MYL2: variants seen among roughly 807,000 people sequenced by gnomAD.
MYL2 encodes myosin regulatory light chain 2, ventricular/cardiac muscle isoform.
In MYL2, 19 loss-of-function variants were observed where a neutral mutation model predicts 23.0. That is an observed-to-expected ratio of 0.83 (90% CI 0.58 to 1.21). The LOEUF is 1.21. Among genes scored for constraint, MYL2 ranks in the 50% most tolerant of loss-of-function variants. The pLI, the probability that MYL2 is intolerant of heterozygous loss-of-function variation, is 0.00. For synonymous variants in MYL2, 78 were observed against 76.2 expected, an observed-to-expected ratio of 1.02 and a Z score of -0.13; for missense variants, 180 against 215.1, an observed-to-expected ratio of 0.84 and a Z score of 1.02.
In MYL2 at chr12:110,911,146, A is replaced by AG; in HGVS notation, c.431dup (p.Asp145Ter). 1 of 1,545,046 alleles carries AG rather than the reference A, an allele frequency of 6.5e-7. No individual in the cohort carries two copies. On this transcript the variant is annotated frameshift_variant, in exon 7 of 7. Coordinates refer to ENST00000228841, the MANE Select transcript of MYL2 (RefSeq NM_000432.4). LOFTEE classifies it high-confidence loss of function. ...TGTAGTCCAAGTTGCCAGTCACGTCAGGGGGGAAGGCGGCGAACATCTGGT... is the reference window on the plus strand; with the variant it reads ...TGTAGTCCAAGTTGCCAGTCACGTCAGGGGGGGAAGGCGGCGAACATCTGGT...
At chr12:110,913,019 A>G (rs2071663636) in intron 6 of MYL2, 77 bp downstream of exon 6, 1 of 1,512,034 alleles carries the variant, frequency 6.6e-7, no homozygotes. Context: ...GGTGCTTTAG[A>G]CGAGAGGGGA....
intron 3 of MYL2, among the ~76,000 whole-genome samples, chr12:110,914,952 G>A (rs1251371788): frequency 6.6e-6 from 1 of 152,204 alleles, no homozygotes; most frequent in African/African-American, 2.4e-5. Flanking sequence ...GACAGATCAG[G>A]ATCACCTGAG....
chr12:110,912,712 C>T (rs1264293543), intron 6 of MYL2, among the ~76,000 whole-genome samples: 1 of 152,160 alleles, frequency 6.6e-6, no homozygotes, highest in African/African-American at 2.4e-5. Flanking sequence ...ATACAGGCGT[C>T]CACCACCATG....
chr12:110,910,989 T>G lies in MYL2; in HGVS notation c.*88A>C. 3 of 1,200,130 alleles carry G rather than the reference T, an allele frequency of 2.5e-6. No homozygotes were observed. The highest frequency in any genetic ancestry group is 3.7e-6 in the Non-Finnish European group (3 of 805,858). 74.3% of individuals were successfully genotyped at this position (1,200,130 alleles called of 1,614,324 possible). On this transcript the variant is annotated 3_prime_UTR_variant, in exon 7 of 7. Coordinates refer to ENST00000228841, the MANE Select transcript of MYL2 (RefSeq NM_000432.4). ...GCAGCCACATGGCTAACAGACAAGGTAGGGACAGAGGCGGTACTCGGGGGA... is the reference window on the plus strand; with the variant it reads ...GCAGCCACATGGCTAACAGACAAGGGAGGGACAGAGGCGGTACTCGGGGGA...
In MYL2 at chr12:110,919,161, G is replaced by A. The variant is rs139794370; in HGVS notation, c.36C>T (p.Gly12=). 1.4e-4 allele frequency: 220 copies of A among 1,613,678 alleles called. 1 individual carries two copies. In the African/African-American group the frequency reaches 2.3e-3, roughly 17 times the overall value. Residue 12 remains glycine (G), a synonymous_variant, in exon 2 of 7, where the codon GGC becomes GGT. Coordinates refer to ENST00000228841, the MANE Select transcript of MYL2 (RefSeq NM_000432.4). The stretch of plus-strand genomic sequence containing the variant: ...ACATGGAGAACACGTTGGAGTTGGC[G>A]CCCCCGGCTCTCTTCTTTGCTTTCT... The part of the protein sequence containing the change: ...APKKAKKRAG[G]ANSNVFSMFE...
At chr12:110,915,109 ACACT>A (rs1222990306) in intron 3 of MYL2, among the ~76,000 whole-genome samples, 1 of 152,198 alleles carries the variant, frequency 6.6e-6, no homozygotes, top group Non-Finnish European at 1.5e-5. Flanking sequence ...ATAAAAAGCT[ACACT>A]CACTACAAAT....
chr12:110,913,926 T>G (rs981009134), intron 4 of MYL2, among the ~76,000 whole-genome samples: 1 of 152,056 alleles, frequency 6.6e-6, no homozygotes, highest in Non-Finnish European at 1.5e-5. Context: ...CTAATTTTTT[T>G]GTGTGTTTTT....
rs2136770901 is a variant in MYL2 at position 110,913,313 on chromosome 12, C to T, written c.286G>A (p.Glu96Lys). The change falls in exon 5 of 7, where the codon GAG becomes AAG. Residue 96 changes from glutamate (E) to lysine (K), a missense_variant. By Grantham distance (56) the Glu-to-Lys change is moderately conservative. Transcript: ENST00000228841. ...TTGAATGCGTTGAGAATGGTTTCCTCAGGGTCCGCTCCTGAAACGGAACAC... is the reference window on the plus strand; with the variant it reads ...TTGAATGCGTTGAGAATGGTTTCCTTAGGGTCCGCTCCTGAAACGGAACAC... Reference protein sequence around the residue: ...FGEKLKGADPEETILNAFKVF... With the variant: ...FGEKLKGADPKETILNAFKVF... 6.2e-7 allele frequency: 1 copy of T among 1,614,222 alleles called. No individual in the cohort carries two copies. The highest frequency in any genetic ancestry group is 8.5e-7 in the Non-Finnish European group (1 of 1,180,048).
chr12:110,921,401 G>A (rs1033913159), upstream of MYL2, among the ~76,000 whole-genome samples: 7 of 152,138 alleles, frequency 4.6e-5, no homozygotes, highest in Admixed American at 2.6e-4. Context: ...CCTGCGCTCC[G>A]ATCTCCCTTC....
chr12:110,911,154 A>T lies in MYL2; in HGVS notation c.424T>A (p.Phe142Ile). 6.3e-7 allele frequency: 1 copy of T among 1,577,150 alleles called. No homozygotes were observed. Among genetic ancestry groups the T allele is most frequent in the African/African-American group, 1.4e-5 (1 of 73,268 alleles). ...AAGTTGCCAGTCACGTCAGGGGGGA[A>T]GGCGGCGAACATCTGGTCAACCTGC... ...KEEVDQMFAA[F>I]PPDVTGNLDY... The change falls in exon 7 of 7, where the codon TTC (phenylalanine) becomes ATC (isoleucine). Residue 142 changes from phenylalanine to isoleucine, a missense_variant. Phe to Ile is a conservative substitution (Grantham distance 21). Transcript: ENST00000228841.
intron 4 of MYL2, 36 bp downstream of exon 4, chr12:110,914,150 A>T: frequency 2.0e-6 from 3 of 1,465,502 alleles, no homozygotes; most frequent in Non-Finnish European, 2.9e-6. Context: ...ACATAGACAC[A>T]TACACACAGA....
upstream of MYL2, among the ~76,000 whole-genome samples, chr12:110,920,939 A>G (rs986014007): frequency 6.6e-6 from 1 of 152,202 alleles, no homozygotes; most frequent in African/African-American, 2.4e-5. Flanking sequence ...GGGTCTTTGC[A>G]CCTGTGTGCC....
chr12:110,910,959 A>G lies in MYL2; in HGVS notation c.*118T>C, dbSNP rs1379231709. 6 of 955,846 alleles carry G rather than the reference A, an allele frequency of 6.3e-6. No homozygotes were observed. The highest frequency in any genetic ancestry group is 1.8e-5 in the Admixed American group (1 of 56,446). 59.2% of individuals were successfully genotyped at this position (955,846 alleles called of 1,614,324 possible). On this transcript the variant is annotated 3_prime_UTR_variant, in exon 7 of 7. Transcript: ENST00000228841. ...CTGCAAAGAAGATGGAGGTGGATAA[A>G]TGGGGCAGCCACATGGCTAACAGAC... is the stretch of plus-strand genomic sequence containing the variant.
In MYL2 at chr12:110,913,332, G is replaced by T. The variant is rs765328765; in HGVS notation, c.275-8C>A. 1 of 1,614,192 alleles carries T rather than the reference G, an allele frequency of 6.2e-7. No individual in the cohort carries two copies. Among genetic ancestry groups the T allele is most frequent in the Non-Finnish European group, 8.5e-7 (1 of 1,180,014 alleles). Reference sequence around the variant, plus strand: ...TTTCCTCAGGGTCCGCTCCTGAAACGGAACACAGGGCTTACATGTACTGGG... The same window carrying T: ...TTTCCTCAGGGTCCGCTCCTGAAACTGAACACAGGGCTTACATGTACTGGG... On this transcript the variant is annotated splice_polypyrimidine_tract_variant and splice_region_variant and intron_variant, in intron 4 of 6. Transcript: ENST00000228841.
chr12:110,920,495 G>A (rs1237804968), intron 1 of MYL2, 32 bp downstream of exon 1: 1 of 1,613,954 alleles, frequency 6.2e-7, no homozygotes. Context: ...CGCCCACCCG[G>A]CATCATCACC....
intron 2 of MYL2, among the ~76,000 whole-genome samples, chr12:110,916,595 A>G (rs2071689132): frequency 6.6e-6 from 1 of 152,206 alleles, no homozygotes; most frequent in African/African-American, 2.4e-5. Flanking sequence ...TTCAATTTCT[A>G]TGAAATGTCC....
chr12:110,914,370 T>G, intron 3 of MYL2, 80 bp from the exon 4 acceptor site: 1 of 966,356 alleles, frequency 1.0e-6, no homozygotes, highest in African/African-American at 1.6e-5. Context: ...CTCCTGGGAT[T>G]CCACTTCAAG....
In MYL2 at chr12:110,911,116, G is replaced by A. The variant is rs1351869857; in HGVS notation, c.462C>T (p.Asn154=). The stretch of plus-strand genomic sequence containing the variant: ...CTCCGTGGGTGATGATGTGCACCAG[G>A]TTCTTGTAGTCCAAGTTGCCAGTCA... ...PDVTGNLDYK[N]LVHIITHGEE... Residue 154 remains asparagine (N), a synonymous_variant, in exon 7 of 7, where the codon AAC becomes AAT. Coordinates refer to ENST00000228841, the MANE Select transcript of MYL2 (RefSeq NM_000432.4). 6.2e-7 allele frequency: 1 copy of A among 1,613,456 alleles called. No homozygotes were observed. The highest frequency in any genetic ancestry group is 8.5e-7 in the Non-Finnish European group (1 of 1,179,680).
chr12:110,911,979 A>G (rs546099892), intron 6 of MYL2, among the ~76,000 whole-genome samples: 9 of 152,320 alleles, frequency 5.9e-5, no homozygotes, highest in African/African-American at 2.2e-4. Flanking sequence ...GGTAGCTTCT[A>G]TTATTATTCC....
Sources: gnomAD v4.1 joint callset for allele counts (sites outside exome capture counted in the v4.1 genomes callset) on GRCh38, gnomAD v4.1.1 for gene constraint, MANE v1.5 for transcripts, NCBI Gene and HGNC (gene_info 2026-07-23, HGNC 2026-07-21) for gene names.